Variants in HERC5 observed in about 807,000 individuals in gnomAD.
HERC5 encodes the protein E3 ISG15--protein ligase HERC5.
A neutral mutation model predicts 119.6 loss-of-function variants in HERC5; 99 were observed. The observed-to-expected ratio is 0.83, with a 90% CI of 0.70 to 0.98. HERC5 has a LOEUF of 0.98. HERC5 is among the 50% of genes least tolerant of loss of function. The pLI is 0.00. For synonymous variants in HERC5, 478 were observed against 445.9 expected, an observed-to-expected ratio of 1.07 and a Z score of -0.91; for missense variants, 1,267 against 1,241.3, an observed-to-expected ratio of 1.02 and a Z score of -0.31.
rs75124661 is a variant in HERC5 at position 88,462,570 on chromosome 4, G to A, written c.688+214G>A. On this transcript the variant is annotated intron_variant, in intron 4 of 22. Transcript: ENST00000264350. Reference sequence around the variant, plus strand: ...AGACATGTTTCAGGGCTGTGTGTGAGACGGGAAAGGGCATTGAATTAGGGA... The same window carrying A: ...AGACATGTTTCAGGGCTGTGTGTGAAACGGGAAAGGGCATTGAATTAGGGA... Among the ~76,000 whole-genome samples the A allele has an allele frequency of 5.9e-4, 90 of 152,286 alleles. No individual in the cohort carries two copies. In the East Asian group the frequency reaches 0.016, roughly 27 times the overall value.
chr4:88,457,258 C>A lies in HERC5; in HGVS notation c.-12C>A, dbSNP rs1578459147. 7.5e-7 allele frequency: 1 copy of A among 1,325,232 alleles called. No homozygotes were observed. Among genetic ancestry groups the A allele is most frequent in the East Asian group, 3.1e-5 (1 of 32,086 alleles). 82.1% of individuals were successfully genotyped at this position (1,325,232 alleles called of 1,614,324 possible). A position where few individuals can be genotyped will look rare whatever the true frequency, so the allele number is the denominator to read the frequency against. On this transcript the variant is annotated 5_prime_UTR_variant, in exon 1 of 23. Transcript: ENST00000264350. The stretch of plus-strand genomic sequence containing the variant: ...CCTCTCGCCTCTGGGCCTGGGACCC[C>A]GCAAAGCGGCGATGGAGCGGAGGTC...
At position 88,470,585 on chromosome 4, in the gene HERC5, G is replaced by A. The variant is rs374378187; in HGVS notation, c.1239-29G>A. The A allele has an allele frequency of 5.6e-6, 7 of 1,252,978 alleles. No individual in the cohort carries two copies. In the African/African-American group the frequency reaches 7.5e-5, roughly 13 times the overall value. The allele number at this position is 1,252,978 out of a possible 1,614,324, so 77.6% of individuals were successfully genotyped here. ...GTATGTATGTATACCATGTGATTTG[G>A]TTTAACCAGTGTCTTATTACTAATA... is the stretch of plus-strand genomic sequence containing the variant. On this transcript the variant is annotated intron_variant, in intron 9 of 22. Transcript: ENST00000264350.
chr4:88,476,125 T>G, intron 12 of HERC5, 95 bp downstream of exon 12: 1 of 976,314 alleles, frequency 1.0e-6, no homozygotes, highest in Admixed American at 2.6e-5. Context: ...TAGAAATGTA[T>G]TCATTTTTTT....
intron 16 of HERC5, among the ~76,000 whole-genome samples, chr4:88,491,023 C>CTCAG (rs1741618982): frequency 6.6e-6 from 1 of 152,058 alleles, no homozygotes; most frequent in Admixed American, 6.6e-5. Flanking sequence ...TCAGGTAACA[C>CTCAG]TCAGCATTTA....
chr4:88,477,519 AAGGGGG>A (rs1446774859), intron 12 of HERC5, among the ~76,000 whole-genome samples: 15 of 92,874 alleles, frequency 1.6e-4, no homozygotes, highest in East Asian at 4.3e-4. Context: ...AACGGAAAGG[AAGGGGG>A]AGGGGGAGGG....
chr4:88,471,877 TCTTC>T (rs923450152), intron 10 of HERC5, among the ~76,000 whole-genome samples: 114 of 151,900 alleles, frequency 7.5e-4, no homozygotes, highest in African/African-American at 2.0e-3. Flanking sequence ...GTCAGTCCTT[TCTTC>T]CTTCCTTCCT....
intron 3 of HERC5, 33 bp downstream of exon 3, chr4:88,460,204 A>G (rs1219593640): frequency 9.2e-7 from 1 of 1,090,010 alleles, no homozygotes; most frequent in Non-Finnish European, 1.4e-6. Flanking sequence ...AGTTTTGTAG[A>G]AGTAATACCT....
chr4:88,493,096 C>T lies in HERC5; in HGVS notation c.2218C>T (p.Pro740Ser). 6.2e-7 allele frequency: 1 copy of T among 1,614,036 alleles called. No individual in the cohort carries two copies. The highest frequency in any genetic ancestry group is 8.5e-7 in the Non-Finnish European group (1 of 1,179,972). ...FYCLFAEMIQPEYGMFMYPEG... is the reference protein window; with the variant it reads ...FYCLFAEMIQSEYGMFMYPEG... ...CTGTCTGTTTGCAGAGATGATCCAG[C>T]CGGAATATGGGATGTTCATGTATCC... Residue 740 changes from proline (P) to serine (S), a missense_variant, in exon 17 of 23, where the codon CCG becomes TCG. By Grantham distance (74) the Pro-to-Ser change is moderately conservative. Coordinates refer to ENST00000264350, the MANE Select transcript of HERC5 (RefSeq NM_016323.4).
At position 88,457,341 on chromosome 4, in the gene HERC5, G is replaced by C; in HGVS notation, c.72G>C (p.Gln24His). The change falls in exon 1 of 23, where the codon CAG becomes CAC. Residue 24 changes from glutamine to histidine, a missense_variant. Physicochemically the swap from Gln to His is conservative, Grantham distance 24. Transcript: ENST00000264350. ...CCGCGGGCAAGGCCGCCGCGACCCA[G>C]CCCGCGAAGTCTCCGGGCGCACAGC... is the stretch of plus-strand genomic sequence containing the variant. Reference protein sequence around the residue: ...RSTAGKAAATQPAKSPGAQLW... With the variant: ...RSTAGKAAATHPAKSPGAQLW... The C allele has an allele frequency of 7.1e-7, 1 of 1,414,354 alleles. No homozygotes were observed. The highest frequency in any genetic ancestry group is 9.2e-7 in the Non-Finnish European group (1 of 1,086,202). 87.6% of individuals were successfully genotyped at this position (1,414,354 alleles called of 1,614,324 possible).
intron 13 of HERC5, 113 bp from the exon 14 acceptor site, chr4:88,486,002 T>G: frequency 1.9e-6 from 1 of 526,528 alleles, no homozygotes; most frequent in Non-Finnish European, 3.4e-6. Context: ...AATTTTATTC[T>G]GGTCATTATA....
chr4:88,477,064 C>CTTT (rs35438949), intron 12 of HERC5, among the ~76,000 whole-genome samples: 1 of 124,782 alleles, frequency 8.0e-6, no homozygotes. Context: ...GTATTTATAG[C>CTTT]TTTTTTTTTT....
At chr4:88,480,084 A>G (rs1411034597) in intron 13 of HERC5, among the ~76,000 whole-genome samples, 2 of 151,446 alleles carry the variant, frequency 1.3e-5, no homozygotes, top group Non-Finnish European at 2.9e-5. Context: ...AAAAAAAAAA[A>G]AGAAATAACC....
chr4:88,474,005 C>T (rs560735526), intron 11 of HERC5: 3 of 152,320 alleles, frequency 2.0e-5, no homozygotes, highest in South Asian at 2.1e-4. Flanking sequence ...GATACGGACT[C>T]TCAGACCTTT....
chr4:88,500,228 A>ACTT (rs1741908817), intron 19 of HERC5, among the ~76,000 whole-genome samples: 1 of 152,204 alleles, frequency 6.6e-6, no homozygotes, highest in Non-Finnish European at 1.5e-5. Context: ...AACTGGGCCG[A>ACTT]CTTGGCCAGG....
chr4:88,489,439 C>T (rs2149102916), intron 16 of HERC5, 103 bp downstream of exon 16: 1 of 1,136,494 alleles, frequency 8.8e-7, no homozygotes, highest in Non-Finnish European at 1.2e-6. Flanking sequence ...TCCTTTGCCA[C>T]AGAGGTTGTT....
At chr4:88,463,693 C>G (rs1740533822) in intron 5 of HERC5, 70 bp downstream of exon 5, 1 of 1,466,906 alleles carries the variant, frequency 6.8e-7, no homozygotes, top group African/African-American at 1.4e-5. Flanking sequence ...TTAGTGTTTC[C>G]CAGAGAAGAA....
At chr4:88,466,673 A>G (rs1184787179) in intron 6 of HERC5, among the ~76,000 whole-genome samples, 2 of 152,238 alleles carry the variant, frequency 1.3e-5, no homozygotes, top group Admixed American at 1.3e-4. Context: ...CAATAGGAAA[A>G]TCAGTGTGGT....
At chr4:88,483,214 T>C (rs190917508) in intron 13 of HERC5, among the ~76,000 whole-genome samples, 10 of 151,018 alleles carry the variant, frequency 6.6e-5, no homozygotes, top group East Asian at 5.8e-4. Context: ...GGGTTTGCTG[T>C]TGTTGTTGTT....
chr4:88,460,150 C>T lies in HERC5; in HGVS notation c.445C>T (p.His149Tyr). Residue 149 changes from histidine to tyrosine, a missense_variant, in exon 3 of 23, where the codon CAT (histidine) becomes TAT (tyrosine). Around this residue, in one of 3 missense-constraint regions of HERC5, gnomAD observed 777 missense variants for 758.0 expected, o/e 1.03. Coordinates refer to ENST00000264350, the MANE Select transcript of HERC5 (RefSeq NM_016323.4). ...AATTCAGATCACATGTGGAGATTAC[C>T]ATTCTCTTGCACTCTCAAAAGGTAA... Reference protein sequence around the residue: ...KIIQITCGDYHSLALSKGGEL... With the variant: ...KIIQITCGDYYSLALSKGGEL... 1 of 1,578,708 alleles carries T rather than the reference C, an allele frequency of 6.3e-7. No individual in the cohort carries two copies. The highest frequency in any genetic ancestry group is 8.7e-7 in the Non-Finnish European group (1 of 1,151,152).
Sources: gnomAD v4.1 joint callset for allele counts (sites outside exome capture counted in the v4.1 genomes callset) on GRCh38, gnomAD v4.1.1 for gene constraint, gnomAD v4.1.1 regional missense constraint, MANE v1.5 for transcripts, NCBI Gene and HGNC (gene_info 2026-07-23, HGNC 2026-07-21) for gene names.